IL10RB: variants seen among roughly 807,000 people sequenced by gnomAD.
IL10RB encodes interleukin-10 receptor subunit beta.
Under a neutral mutation model 38.7 loss-of-function variants are expected in IL10RB, and 30 were observed. The observed-to-expected ratio is 0.78, with a 90% confidence interval of 0.58 to 1.05. The LOEUF is 1.05. IL10RB is among the 50% of genes least tolerant of loss of function. The pLI is 0.00. For missense variants in IL10RB, 328 were observed against 397.1 expected, an observed-to-expected ratio of 0.83 and a Z score of 1.48; for synonymous variants, 142 against 145.9, an observed-to-expected ratio of 0.97 and a Z score of 0.19.
chr21:33,288,410 C>T (rs892339321), intron 6 of IL10RB, 149 bp downstream of exon 6: 22 of 681,854 alleles, frequency 3.2e-5, no homozygotes, highest in South Asian at 1.8e-4. Context: ...CACACAGACA[C>T]GCCTCTTGTG....
chr21:33,300,140 T>C (rs2082981993), downstream of IL10RB, among the ~76,000 whole-genome samples: 1 of 152,144 alleles, frequency 6.6e-6, no homozygotes. Context: ...GTTGAATTAA[T>C]GGATAATAAA....
At chr21:33,278,772 A>T (rs1248817664) in intron 3 of IL10RB, among the ~76,000 whole-genome samples, 2 of 152,242 alleles carry the variant, frequency 1.3e-5, no homozygotes, top group African/African-American at 4.8e-5. Context: ...ACCTATTTAT[A>T]CTTGCTTTGG....
At chr21:33,268,686 C>T (rs45438103) in intron 2 of IL10RB, among the ~76,000 whole-genome samples, 169 bp downstream of exon 2, 29 of 152,278 alleles carry the variant, frequency 1.9e-4, no homozygotes, top group South Asian at 1.0e-3. Context: ...ATTCTCGTGG[C>T]CACCTTTTCT....
Position 33,276,740 on chromosome 21 carries a change from T to C in IL10RB, c.318T>C (p.Cys106=). 6.2e-7 allele frequency: 1 copy of C among 1,614,070 alleles called. No individual in the cohort carries two copies. ...EHSDWVNITF[C]PVDDTIIGPP... ...CAGACTGGGTAAACATCACCTTCTGTCCTGTGGATGACAGTAAGCCATTTT... is the reference window on the plus strand; with the variant it reads ...CAGACTGGGTAAACATCACCTTCTGCCCTGTGGATGACAGTAAGCCATTTT... The change falls in exon 3 of 7, where the codon TGT becomes TGC. Residue 106 remains cysteine (C), a synonymous_variant. Coordinates refer to ENST00000290200, the MANE Select transcript of IL10RB (RefSeq NM_000628.5).
intron 5 of IL10RB, among the ~76,000 whole-genome samples, chr21:33,284,906 T>A (rs888014158): frequency 6.6e-6 from 1 of 152,192 alleles, no homozygotes; most frequent in Non-Finnish European, 1.5e-5. Flanking sequence ...ATTTGTTTAT[T>A]TGTTTTTTGG....
downstream of IL10RB, among the ~76,000 whole-genome samples, chr21:33,302,052 G>A (rs774847141): frequency 6.6e-6 from 1 of 152,234 alleles, no homozygotes; most frequent in Non-Finnish European, 1.5e-5. Flanking sequence ...CATCTTGCCA[G>A]CAGACTCTCT....
At chr21:33,274,196 T>C (rs946516220) in intron 2 of IL10RB, among the ~76,000 whole-genome samples, 9 of 152,242 alleles carry the variant, frequency 5.9e-5, no homozygotes, top group Non-Finnish European at 8.8e-5. Context: ...CATTTTATTT[T>C]ATTTTTTAAG....
At chr21:33,297,296 C>T (rs1176609013), downstream of IL10RB, 2 of 152,342 alleles carry the variant, frequency 1.3e-5, no homozygotes, top group Non-Finnish European at 2.9e-5. Flanking sequence ...GATGTCCACT[C>T]ATTCCACAAG....
intron 1 of IL10RB, among the ~76,000 whole-genome samples, chr21:33,303,354 T>C (rs866745768): frequency 2.9e-3 from 153 of 53,326 alleles, no homozygotes; most frequent in South Asian, 0.015. Context: ...TACTTTCTTT[T>C]TTTTTTTTTT....
At chr21:33,287,196 G>C (rs1989390481) in intron 5 of IL10RB, among the ~76,000 whole-genome samples, 1 of 152,240 alleles carries the variant, frequency 6.6e-6, no homozygotes, top group African/African-American at 2.4e-5. Flanking sequence ...CTCCGAAAGA[G>C]AGGTCAAGGC....
chr21:33,283,049 C>T, intron 4 of IL10RB, 45 bp from the exon 5 acceptor site: 1 of 1,519,116 alleles, frequency 6.6e-7, no homozygotes, highest in Non-Finnish European at 9.1e-7. Flanking sequence ...AAGGTGGTGC[C>T]CTTCCACTGC....
intron 3 of IL10RB, among the ~76,000 whole-genome samples, chr21:33,278,034 CA>C (rs1485238569): frequency 2.0e-5 from 1 of 50,146 alleles, no homozygotes. Context: ...CTACAAAAAA[CA>C]AAAAAAATAC....
chr21:33,287,934 G>A (rs1004711489), intron 5 of IL10RB, among the ~76,000 whole-genome samples, 170 bp from the exon 6 acceptor site: 1 of 152,176 alleles, frequency 6.6e-6, no homozygotes, highest in Non-Finnish European at 1.5e-5. Context: ...TAGGAAAAGG[G>A]TGAAACTCTT....
chr21:33,296,300 G>A lies in IL10RB; in HGVS notation c.921G>A (p.Gln307=). The change falls in exon 7 of 7, where the codon CAG becomes CAA. Residue 307 remains glutamine, a synonymous_variant. Transcript: ENST00000290200. The stretch of plus-strand genomic sequence containing the variant: ...CAGAAGACTCTGAGAGCGGCAAGCA[G>A]AATCCTGGTGACAGCTGCAGCCTCG... ...VIAEDSESGK[Q]NPGDSCSLGT... is the part of the protein sequence containing the mutation. 2.5e-6 allele frequency: 4 copies of A among 1,614,132 alleles called. No individual in the cohort carries two copies. The highest frequency in any genetic ancestry group is 3.4e-6 in the Non-Finnish European group (4 of 1,180,014).
chr21:33,289,226 C>T (rs953795719), intron 6 of IL10RB, among the ~76,000 whole-genome samples: 2 of 152,350 alleles, frequency 1.3e-5, no homozygotes, highest in South Asian at 4.1e-4. Flanking sequence ...GAGCTAGGAG[C>T]ACGAGTGCCT....
intron 6 of IL10RB, among the ~76,000 whole-genome samples, chr21:33,292,580 C>G (rs1339943856): frequency 6.6e-6 from 1 of 152,156 alleles, no homozygotes; most frequent in African/African-American, 2.4e-5. Context: ...CTGGGCAGCA[C>G]CATCACCTCG....
downstream of IL10RB, among the ~76,000 whole-genome samples, chr21:33,299,465 C>T (rs2082980313): frequency 6.6e-6 from 1 of 152,214 alleles, no homozygotes; most frequent in African/African-American, 2.4e-5. Flanking sequence ...TGTAAGCCAT[C>T]CTCACCCCCT....
chr21:33,268,253 C>T (rs1223937329), intron 1 of IL10RB, 141 bp from the exon 2 acceptor site: 5 of 1,549,756 alleles, frequency 3.2e-6, no homozygotes, highest in Non-Finnish European at 3.5e-6. Flanking sequence ...TCAGCACAGC[C>T]AACCTGTCTC....
At position 33,270,191 on chromosome 21, in the gene IL10RB, A is replaced by G. The variant is rs1350252971; in HGVS notation, c.173+1674A>G. 2.6e-5 allele frequency among the ~76,000 whole-genome samples: 4 copies of G among 152,220 alleles called. No individual in the cohort carries two copies. In the South Asian group the frequency reaches 6.2e-4, roughly 24 times the overall value. ...CAAGGATTGAAGGAGGGCATACTCTATAATTAATTTTTTTCCTGATGTGCA... is the reference window on the plus strand; with the variant it reads ...CAAGGATTGAAGGAGGGCATACTCTGTAATTAATTTTTTTCCTGATGTGCA... On this transcript the variant is annotated intron_variant, in intron 2 of 6. Coordinates refer to ENST00000290200, the MANE Select transcript of IL10RB (RefSeq NM_000628.5).
Sources: allele counts gnomAD v4.1 joint callset (sites outside exome capture counted in the v4.1 genomes callset), GRCh38; gene constraint gnomAD v4.1.1; transcripts MANE v1.5; gene names NCBI Gene and HGNC (gene_info 2026-07-23, HGNC 2026-07-21).